RAB38: variants seen among roughly 807,000 people sequenced by gnomAD.
The protein encoded by RAB38 is ras-related protein Rab-38.
Under a neutral mutation model 18.4 loss-of-function variants are expected in RAB38, and 15 were observed. The observed-to-expected ratio is 0.82, with a 90% CI of 0.55 to 1.26. The LOEUF (loss-of-function observed/expected upper bound fraction) is 1.26. Among genes scored for constraint, RAB38 ranks in the 50% most tolerant of loss-of-function variants. The probability of loss-of-function intolerance (pLI) is 0.00; values close to 1 mark genes in which losing one functional copy is unlikely to be tolerated. For synonymous variants in RAB38, 101 were observed against 104.4 expected, an observed-to-expected ratio of 0.97 and a Z score of 0.20; for missense variants, 294 against 267.4, an observed-to-expected ratio of 1.10 and a Z score of -0.69.
the RAB38 span, among the ~76,000 whole-genome samples, chr11:87,955,797 G>A: frequency 4.0e-5 from 6 of 151,686 alleles, no homozygotes; most frequent in Admixed American, 1.3e-4. Flanking sequence ...CTAGGTCACC[G>A]TTTTCACACT....
chr11:88,037,247 AT>A, the RAB38 span, among the ~76,000 whole-genome samples: 1 of 152,124 alleles, frequency 6.6e-6, no homozygotes, highest in South Asian at 2.1e-4. Context: ...TTTACCTGTA[AT>A]AATCTCATAA....
intron 2 of RAB38, among the ~76,000 whole-genome samples, chr11:88,130,777 A>G (rs761640402): frequency 2.0e-5 from 3 of 152,222 alleles, no homozygotes; most frequent in African/African-American, 4.8e-5. Flanking sequence ...ACCCCTGTCC[A>G]GAAGTAGCCT....
chr11:88,045,912 T>G, the RAB38 span, among the ~76,000 whole-genome samples: 2 of 152,290 alleles, frequency 1.3e-5, no homozygotes, highest in Non-Finnish European at 2.9e-5. Context: ...AGCACTCCTT[T>G]TAGTTATCTC....
the RAB38 span, among the ~76,000 whole-genome samples, chr11:88,011,555 C>G: frequency 6.6e-6 from 1 of 152,102 alleles, no homozygotes; most frequent in Non-Finnish European, 1.5e-5. Flanking sequence ...CCTTGATAAG[C>G]ATCTCAGAAA....
the RAB38 span, among the ~76,000 whole-genome samples, chr11:87,963,637 A>G: frequency 6.7e-6 from 1 of 150,194 alleles, no homozygotes; most frequent in Non-Finnish European, 1.5e-5. Flanking sequence ...ATATGGCTGT[A>G]TATTTCTTTT....
the RAB38 span, among the ~76,000 whole-genome samples, chr11:87,946,765 CA>C: frequency 6.6e-6 from 1 of 150,718 alleles, no homozygotes; most frequent in East Asian, 1.9e-4. Context: ...GTATATGTGC[CA>C]CATTTTCTTA....
At chr11:88,146,158 G>C (rs1942982328) in intron 2 of RAB38, among the ~76,000 whole-genome samples, 1 of 152,164 alleles carries the variant, frequency 6.6e-6, no homozygotes, top group Non-Finnish European at 1.5e-5. Context: ...AACTCTCATG[G>C]AAAGTTACTC....
At chr11:87,922,553 T>C in the RAB38 span, among the ~76,000 whole-genome samples, 8 of 143,628 alleles carry the variant, frequency 5.6e-5, no homozygotes, top group African/African-American at 1.9e-4. Flanking sequence ...CCAAGCCTCA[T>C]TTTTCTCACC....
the RAB38 span, among the ~76,000 whole-genome samples, chr11:87,937,350 A>C: frequency 4.5e-5 from 5 of 111,412 alleles, no homozygotes; most frequent in South Asian, 3.0e-4. Context: ...ATATATATAT[A>C]TCATAATTCT....
At chr11:87,873,543 A>T in the RAB38 span, among the ~76,000 whole-genome samples, 12,417 of 151,392 alleles carry the variant, frequency 0.082, 764 homozygotes, top group African/African-American at 0.16. Flanking sequence ...ACCCAAAGTC[A>T]TCTAGATTTT....
chr11:87,944,850 G>T, the RAB38 span, among the ~76,000 whole-genome samples: 6 of 152,012 alleles, frequency 3.9e-5, no homozygotes, highest in East Asian at 5.8e-4. Flanking sequence ...GGGTGTTTTT[G>T]TTTGTTTGTT....
At chr11:87,904,265 C>T in the RAB38 span, among the ~76,000 whole-genome samples, 1 of 151,620 alleles carries the variant, frequency 6.6e-6, no homozygotes, top group Admixed American at 6.6e-5. Context: ...TCAGTAGTTC[C>T]CAGTTTCTGT....
the RAB38 span, among the ~76,000 whole-genome samples, chr11:88,039,735 A>G: frequency 6.6e-6 from 1 of 152,228 alleles, no homozygotes; most frequent in East Asian, 1.9e-4. Context: ...GGCTGACATT[A>G]TCAACTACTC....
chr11:87,849,518 G>A, the RAB38 span, among the ~76,000 whole-genome samples: 5 of 152,218 alleles, frequency 3.3e-5, no homozygotes, highest in Admixed American at 1.3e-4. Context: ...AATAGTGTCA[G>A]TGTGGCAGCA....
At chr11:87,976,644 TGATATATA>T in the RAB38 span, among the ~76,000 whole-genome samples, 2 of 112,870 alleles carry the variant, frequency 1.8e-5, no homozygotes, top group Admixed American at 2.2e-4. Flanking sequence ...TGATTTTATA[TGATATATA>T]AATATATATA....
chr11:87,851,670 A>C, the RAB38 span, among the ~76,000 whole-genome samples: 1 of 152,162 alleles, frequency 6.6e-6, no homozygotes, highest in Non-Finnish European at 1.5e-5. Context: ...ACTGAATTTT[A>C]AAAACTCATA....
At chr11:88,149,485 T>C (rs1329701567) in intron 2 of RAB38, among the ~76,000 whole-genome samples, 190 bp downstream of exon 2, 1 of 152,174 alleles carries the variant, frequency 6.6e-6, no homozygotes, top group Non-Finnish European at 1.5e-5. Context: ...GCCACAATGA[T>C]CTTAAATTGT....
At chr11:88,005,410 C>T in the RAB38 span, among the ~76,000 whole-genome samples, 10 of 151,146 alleles carry the variant, frequency 6.6e-5, no homozygotes, top group African/African-American at 2.4e-4. Flanking sequence ...AAAAAAATAT[C>T]CTACAACTGG....
At chr11:88,174,620 C>CAAAAAAAAAAAAAAAAAAAAAA (rs60026669) in intron 1 of RAB38, among the ~76,000 whole-genome samples, 6 of 101,130 alleles carry the variant, frequency 5.9e-5, no homozygotes, top group African/African-American at 2.3e-4. Context: ...AAGCAAAAAG[C>CAAAAAAAAAAAAAAAAAAAAAA]AAAAAAAAAA....
Sources: gnomAD v4.1 joint callset for allele counts (sites outside exome capture counted in the v4.1 genomes callset) on GRCh38, gnomAD v4.1.1 for gene constraint, MANE v1.5 for transcripts, NCBI Gene and HGNC (gene_info 2026-07-23, HGNC 2026-07-21) for gene names.